Variants in CADM2 observed in about 807,000 individuals in gnomAD.
CADM2 encodes the protein immunoglobulin superfamily member 4D.
A neutral mutation model predicts 49.8 loss-of-function variants in CADM2; 12 were observed. The ratio of observed to expected loss-of-function variants is 0.24; its 90% CI spans 0.15 to 0.39. The LOEUF (loss-of-function observed/expected upper bound fraction) is 0.39. Among genes scored for constraint, CADM2 ranks in the 10% least tolerant of loss-of-function variants. The pLI is 1.00. For synonymous variants in CADM2, 214 were observed against 175.4 expected, an observed-to-expected ratio of 1.22 and a Z score of -1.74; for missense variants, 378 against 492.3, an observed-to-expected ratio of 0.77 and a Z score of 2.20.
At position 85,802,144 on chromosome 3, in the gene CADM2, C is replaced by T; in HGVS notation, c.186C>T (p.Ser62=). ...GGGTTGATCAAAATGATAACACCTC[C>T]CTCCAGTGGTCAAATCCAGCTCAAC... The part of the protein sequence containing the change: ...TCRVDQNDNT[S]LQWSNPAQQT... The change falls in exon 3 of 10, where the codon TCC becomes TCT. Residue 62 remains serine, a synonymous_variant. Transcript: ENST00000383699. 1 of 1,613,136 alleles carries T rather than the reference C, an allele frequency of 6.2e-7. No individual in the cohort carries two copies. Among genetic ancestry groups the T allele is most frequent in the Non-Finnish European group, 8.5e-7 (1 of 1,179,490 alleles).
chr3:84,982,920 T>C (rs924019012), intron 1 of CADM2, among the ~76,000 whole-genome samples: 1 of 148,586 alleles, frequency 6.7e-6, no homozygotes, highest in Non-Finnish European at 1.5e-5. Context: ...TAATTTTTTT[T>C]GTATTTTTAG....
At chr3:85,599,088 C>A (rs545708962) in intron 1 of CADM2, among the ~76,000 whole-genome samples, 1 of 151,806 alleles carries the variant, frequency 6.6e-6, no homozygotes, top group Non-Finnish European at 1.5e-5. Context: ...TGTTGTGTAA[C>A]CCATGAAGAA....
At chr3:85,601,849 C>A (rs2063416277) in intron 1 of CADM2, among the ~76,000 whole-genome samples, 1 of 151,378 alleles carries the variant, frequency 6.6e-6, no homozygotes, top group Non-Finnish European at 1.5e-5. Context: ...TTTTTCGTTT[C>A]TGTTTCTTTT....
Position 85,984,419 on chromosome 3 carries a change from C to A in CADM2, c.970+22772C>A, listed in dbSNP as rs544275794. ...ATAATCTAGTAATCTTTAGTAGCAT[C>A]CTCATTTTATAGATGATGTTAACTT... On this transcript the variant is annotated intron_variant, in intron 8 of 9. Transcript: ENST00000383699. Among the ~76,000 whole-genome samples the A allele has an allele frequency of 2.8e-3, 427 of 151,356 alleles. 3 individuals are homozygous for A. Among genetic ancestry groups the A allele is most frequent in the African/African-American group, 0.01 (419 of 41,356 alleles).
chr3:85,578,654 C>A (rs1482561877), intron 1 of CADM2, among the ~76,000 whole-genome samples: 5 of 152,178 alleles, frequency 3.3e-5, no homozygotes, highest in African/African-American at 1.2e-4. Flanking sequence ...GATTATACAA[C>A]CTGATAGTAC....
intron 1 of CADM2, among the ~76,000 whole-genome samples, chr3:85,721,408 C>T (rs1312420671): frequency 2.0e-5 from 3 of 152,138 alleles, no homozygotes; most frequent in Non-Finnish European, 2.9e-5. Flanking sequence ...CTCAGGCCTG[C>T]TGGGCTCATT....
chr3:85,187,721 T>C (rs2107716639), intron 1 of CADM2, among the ~76,000 whole-genome samples: 1 of 152,238 alleles, frequency 6.6e-6, no homozygotes, highest in East Asian at 1.9e-4. Context: ...AGTACATAAA[T>C]AGAAACTCTT....
At chr3:85,279,120 TG>T (rs1221854610) in intron 1 of CADM2, among the ~76,000 whole-genome samples, 2 of 151,420 alleles carry the variant, frequency 1.3e-5, no homozygotes, top group African/African-American at 4.8e-5. Flanking sequence ...TAAGAAACAA[TG>T]GTATTTTAGC....
At chr3:85,035,744 T>C (rs778029441) in intron 1 of CADM2, among the ~76,000 whole-genome samples, 13 of 152,212 alleles carry the variant, frequency 8.5e-5, no homozygotes, top group Non-Finnish European at 1.6e-4. Flanking sequence ...ATGTATGGAT[T>C]TGCTTCTGGG....
At position 86,008,975 on chromosome 3, in the gene CADM2, G is replaced by A. The variant is rs1731136404; in HGVS notation, c.970+47328G>A. Reference sequence around the variant, plus strand: ...GAGAAAATAAAATTATTATAACGATGCAGGGTATTTGGCAGTGTAGCTCTC... The same window carrying A: ...GAGAAAATAAAATTATTATAACGATACAGGGTATTTGGCAGTGTAGCTCTC... On this transcript the variant is annotated intron_variant, in intron 8 of 9. Coordinates refer to ENST00000383699, the MANE Select transcript of CADM2 (RefSeq NM_001167675.2). 2.0e-5 allele frequency among the ~76,000 whole-genome samples: 3 copies of A among 151,214 alleles called. No individual in the cohort carries two copies. The South Asian group carries it at 6.3e-4, about 32-fold the overall frequency.
chr3:85,422,883 C>T (rs7636243), intron 1 of CADM2, among the ~76,000 whole-genome samples: 85,725 of 151,762 alleles, frequency 0.56, 25,243 homozygotes, highest in East Asian at 0.83. Flanking sequence ...TCTTTTAGCC[C>T]TGTCATCCGG....
At chr3:85,088,872 C>T (rs189832755) in intron 1 of CADM2, among the ~76,000 whole-genome samples, 27 of 152,122 alleles carry the variant, frequency 1.8e-4, no homozygotes, top group Admixed American at 1.4e-3. Flanking sequence ...GTATTTACAT[C>T]GATGCTCTCA....
chr3:85,448,298 A>G (rs1345996327), intron 1 of CADM2, among the ~76,000 whole-genome samples: 2 of 145,494 alleles, frequency 1.4e-5, no homozygotes, highest in South Asian at 4.3e-4. Flanking sequence ...GCGCCACTGC[A>G]CTCCAGCCTG....
intron 1 of CADM2, among the ~76,000 whole-genome samples, chr3:85,068,436 C>T (rs1369235518): frequency 1.3e-5 from 2 of 152,114 alleles, no homozygotes; most frequent in African/African-American, 4.8e-5. Flanking sequence ...GTTGGGAGAG[C>T]TCCATATGTT....
intron 1 of CADM2, among the ~76,000 whole-genome samples, chr3:85,667,816 T>A (rs1298611588): frequency 6.6e-6 from 1 of 152,062 alleles, no homozygotes. Flanking sequence ...CTTAAATCTC[T>A]ATTTCCGCAT....
At chr3:85,599,676 A>C (rs902383019) in intron 1 of CADM2, among the ~76,000 whole-genome samples, 11 of 100,026 alleles carry the variant, frequency 1.1e-4, no homozygotes, top group African/African-American at 2.9e-4. Flanking sequence ...ATGCTTTGAA[A>C]AAAATTAAAA....
intron 1 of CADM2, among the ~76,000 whole-genome samples, chr3:85,075,412 G>C (rs1490111910): frequency 1.3e-5 from 2 of 151,698 alleles, no homozygotes; most frequent in Admixed American, 1.3e-4. Flanking sequence ...ATTTAAGAGG[G>C]GAATATTTAA....
intron 1 of CADM2, among the ~76,000 whole-genome samples, chr3:85,338,451 G>T (rs1353992367): frequency 1.3e-5 from 2 of 151,406 alleles, no homozygotes; most frequent in African/African-American, 4.8e-5. Flanking sequence ...CTGTGCAATA[G>T]CCCCGAGAAG....
At chr3:85,934,113 A>T (rs1371476637) in intron 6 of CADM2, among the ~76,000 whole-genome samples, 4 of 152,080 alleles carry the variant, frequency 2.6e-5, no homozygotes, top group Non-Finnish European at 5.9e-5. Context: ...AAAATTATAC[A>T]TTTCTGATCT....
Sources: gnomAD v4.1 joint callset for allele counts (sites outside exome capture counted in the v4.1 genomes callset) on GRCh38, gnomAD v4.1.1 for gene constraint, MANE v1.5 for transcripts, NCBI Gene and HGNC (gene_info 2026-07-23, HGNC 2026-07-21) for gene names.